Variants in FRMD4A observed in about 807,000 individuals in gnomAD.
FRMD4A encodes the protein FERM domain containing 4A.
In FRMD4A, 29 loss-of-function variants were observed where a neutral mutation model predicts 129.1. The observed-to-expected ratio is 0.22, with a 90% CI of 0.17 to 0.31. The LOEUF is 0.31. Among genes scored for constraint, FRMD4A ranks in the 10% least tolerant of loss-of-function variants. The pLI, the probability that FRMD4A is intolerant of heterozygous loss-of-function variation, is 1.00. For synonymous variants in FRMD4A, 634 were observed against 571.6 expected, an observed-to-expected ratio of 1.11 and a Z score of -1.56; for missense variants, 1,272 against 1,375.8, an observed-to-expected ratio of 0.92 and a Z score of 1.19.
chr10:13,900,955 G>C (rs1248438714), intron 2 of FRMD4A, among the ~76,000 whole-genome samples: 1 of 152,176 alleles, frequency 6.6e-6, no homozygotes, highest in Non-Finnish European at 1.5e-5. Context: ...CATTTACCAA[G>C]TGCCAGGTAC....
intron 2 of FRMD4A, among the ~76,000 whole-genome samples, chr10:14,025,835 T>A (rs529401620): frequency 2.6e-5 from 4 of 152,334 alleles, no homozygotes; most frequent in African/African-American, 9.6e-5. Context: ...TCCTCAAGGT[T>A]CACCCACGGG....
chr10:14,169,677 A>G (rs1370446709), intron 2 of FRMD4A, among the ~76,000 whole-genome samples: 1 of 152,176 alleles, frequency 6.6e-6, no homozygotes, highest in Non-Finnish European at 1.5e-5. Context: ...GCCCCTTCAG[A>G]TTAGAAACTG....
chr10:14,296,735 C>A (rs914943557), intron 2 of FRMD4A, among the ~76,000 whole-genome samples: 1 of 152,206 alleles, frequency 6.6e-6, no homozygotes, highest in African/African-American at 2.4e-5. Flanking sequence ...CTGCCCCAAT[C>A]CCTCGCCCAC....
intron 2 of FRMD4A, among the ~76,000 whole-genome samples, chr10:14,255,431 T>C (rs558019871): frequency 6.6e-6 from 1 of 152,270 alleles, no homozygotes; most frequent in Admixed American, 6.5e-5. Context: ...AAATATGGTA[T>C]CAAAAGGGAA....
At chr10:13,772,192 TATA>T (rs71477249) in intron 6 of FRMD4A, among the ~76,000 whole-genome samples, 42,532 of 138,072 alleles carry the variant, frequency 0.31, 7,145 homozygotes, top group East Asian at 0.52. Flanking sequence ...ATAATTATTA[TATA>T]ATAATAAATA....
chr10:14,133,573 T>C (rs1440994381), intron 2 of FRMD4A, among the ~76,000 whole-genome samples: 1 of 152,218 alleles, frequency 6.6e-6, no homozygotes, highest in Non-Finnish European at 1.5e-5. Flanking sequence ...CTCAGAGTTC[T>C]AGCAGCTGCT....
chr10:13,731,684 C>T (rs2090333349), intron 12 of FRMD4A, among the ~76,000 whole-genome samples: 1 of 151,380 alleles, frequency 6.6e-6, no homozygotes, highest in Admixed American at 6.6e-5. Flanking sequence ...ACATCCTATC[C>T]TCAGATAGTG....
intron 2 of FRMD4A, among the ~76,000 whole-genome samples, chr10:13,964,674 GT>G (rs35812447): frequency 0.5 from 63,627 of 128,024 alleles, 13,683 homozygotes; most frequent in Non-Finnish European, 0.58. Context: ...CTCTTCTTTT[GT>G]TTTTTTTTTT....
intron 24 of FRMD4A, chr10:13,647,490 G>C (rs1000098672): frequency 6.6e-6 from 1 of 151,850 alleles, no homozygotes; most frequent in African/African-American, 2.4e-5. Context: ...AGCTGCCCGG[G>C]TTGTCCTCCG....
intron 2 of FRMD4A, among the ~76,000 whole-genome samples, chr10:14,238,149 T>C (rs563647089): frequency 2.6e-5 from 4 of 152,350 alleles, no homozygotes; most frequent in South Asian, 2.1e-4. Context: ...CTATCATCTA[T>C]TGCCAAGCTA....
rs149652770 is a variant in FRMD4A, at chr10:13,944,261, C to G, written c.46-85349G>C. Among the ~76,000 whole-genome samples, 966 of 151,924 alleles carry G rather than the reference C, an allele frequency of 6.4e-3. 10 individuals carry two copies. The highest frequency in any genetic ancestry group is 0.022 in the African/African-American group (922 of 41,464). ...TGGGCTCCACCTCCCATCAGATTAG[C>G]AGTGGCATTAGATTCTCACAGGAGC... On this transcript the variant is annotated intron_variant, in intron 2 of 24. Coordinates refer to ENST00000357447, the MANE Select transcript of FRMD4A (RefSeq NM_018027.5).
At chr10:14,287,382 T>A (rs1361520167) in intron 2 of FRMD4A, among the ~76,000 whole-genome samples, 1 of 152,238 alleles carries the variant, frequency 6.6e-6, no homozygotes, top group Non-Finnish European at 1.5e-5. Context: ...CATGTTAGCA[T>A]TGAGTTTTAC....
At chr10:14,100,959 C>T (rs1200425940) in intron 2 of FRMD4A, among the ~76,000 whole-genome samples, 1 of 152,126 alleles carries the variant, frequency 6.6e-6, no homozygotes, top group Non-Finnish European at 1.5e-5. Context: ...TTTGGGTCCT[C>T]ACAACGTGTG....
chr10:13,939,664 A>G (rs1464903771), intron 2 of FRMD4A, among the ~76,000 whole-genome samples: 1 of 152,224 alleles, frequency 6.6e-6, no homozygotes, highest in Non-Finnish European at 1.5e-5. Context: ...GAATGGAACA[A>G]AATCCTGGAA....
chr10:13,873,992 A>T (rs1194401668), intron 2 of FRMD4A, among the ~76,000 whole-genome samples: 1 of 150,758 alleles, frequency 6.6e-6, no homozygotes, highest in East Asian at 2.0e-4. Context: ...CATGCCTGTA[A>T]TCCCAGCACT....
chr10:14,101,637 T>G (rs7921545), intron 2 of FRMD4A, among the ~76,000 whole-genome samples: 82,160 of 151,966 alleles, frequency 0.54, 23,704 homozygotes, highest in East Asian at 0.71. Flanking sequence ...ACGTTCTACT[T>G]ATGTCATACC....
At chr10:14,280,427 C>T (rs797012690) in intron 2 of FRMD4A, among the ~76,000 whole-genome samples, 23 of 152,210 alleles carry the variant, frequency 1.5e-4, no homozygotes, top group African/African-American at 4.8e-4. Flanking sequence ...ACTATAGGTG[C>T]CTCTGGCTCA....
rs2086725759 is a variant in FRMD4A at position 13,700,660 on chromosome 10, T to G, written c.975+680A>C. Among the ~76,000 whole-genome samples the G allele has an allele frequency of 2.7e-5, 4 of 150,292 alleles. No homozygotes were observed. In the South Asian group the frequency reaches 6.3e-4, roughly 24 times the overall value. On this transcript the variant is annotated intron_variant, in intron 14 of 24. Transcript: ENST00000357447. Reference sequence around the variant, plus strand: ...AGGGCTGGAGGAAGAGGGGGCAGAGTGTTGATATAAGCCCTGTGTGAACCA... The same window carrying G: ...AGGGCTGGAGGAAGAGGGGGCAGAGGGTTGATATAAGCCCTGTGTGAACCA...
chr10:14,323,369 A>G (rs1388481313), intron 2 of FRMD4A, among the ~76,000 whole-genome samples: 1 of 152,208 alleles, frequency 6.6e-6, no homozygotes, highest in Non-Finnish European at 1.5e-5. Context: ...CAAATCTTAC[A>G]TGGTAGCTAT....
Sources: gnomAD v4.1 joint callset for allele counts (sites outside exome capture counted in the v4.1 genomes callset) on GRCh38, gnomAD v4.1.1 for gene constraint, MANE v1.5 for transcripts, NCBI Gene and HGNC (gene_info 2026-07-23, HGNC 2026-07-21) for gene names.